The following UPF3A variants were observed in gnomAD, a reference collection of about 807,000 sequenced individuals.
The protein encoded by UPF3A is UPF3A regulator of nonsense mediated mRNA decay.
Under a neutral mutation model 53.5 loss-of-function variants are expected in UPF3A, and 42 were observed. The observed-to-expected ratio is 0.78, with a 90% CI of 0.61 to 1.01. The LOEUF (loss-of-function observed/expected upper bound fraction) is 1.01. UPF3A is among the 50% of genes least tolerant of loss of function. The pLI is 0.00. For missense variants in UPF3A, 575 were observed against 598.0 expected (o/e 0.96, Z 0.40); for synonymous variants, 237 against 225.3 (o/e 1.05, Z -0.47).
At chr13:114,295,837 A>C (rs1464490868) in intron 7 of UPF3A, among the ~76,000 whole-genome samples, 1 of 152,166 alleles carries the variant, frequency 6.6e-6, no homozygotes, top group Non-Finnish European at 1.5e-5. Context: ...GTTCCTGCAC[A>C]CAGCTCCTCA....
At chr13:114,286,132 G>A (rs1449079596) in intron 3 of UPF3A, 170 bp from the exon 4 acceptor site, 1 of 901,778 alleles carries the variant, frequency 1.1e-6, no homozygotes, top group African/African-American at 1.7e-5. Context: ...AAAATTGTAG[G>A]TTTTTTAATC....
chr13:114,297,633 A>G (rs915426301), intron 7 of UPF3A, among the ~76,000 whole-genome samples: 1 of 152,162 alleles, frequency 6.6e-6, no homozygotes, highest in Non-Finnish European at 1.5e-5. Context: ...GTTCAAGACC[A>G]GCCTGGCCAA....
chr13:114,286,213 T>C (rs1227134526), intron 3 of UPF3A, 89 bp from the exon 4 acceptor site: 2 of 1,531,010 alleles, frequency 1.3e-6, no homozygotes, highest in African/African-American at 2.8e-5. Context: ...GTTGTTACAC[T>C]TACTCTTTAA....
intron 7 of UPF3A, among the ~76,000 whole-genome samples, chr13:114,296,999 T>C (rs1300151147): frequency 6.6e-6 from 1 of 152,166 alleles, no homozygotes; most frequent in Non-Finnish European, 1.5e-5. Context: ...AGATTCCACA[T>C]AGGCAGAATA....
At position 114,302,001 on chromosome 13, in the gene UPF3A, C is replaced by T. The variant is rs780373550; in HGVS notation, c.1278C>T (p.Pro426=). The T allele has an allele frequency of 8.5e-6, 13 of 1,526,962 alleles. No homozygotes were observed. Among genetic ancestry groups the T allele is most frequent in the Middle Eastern group, 1.8e-4 (1 of 5,670 alleles). 94.6% of individuals were successfully genotyped at this position (1,526,962 alleles called of 1,614,324 possible). Reference sequence around the variant, plus strand: ...AGAGGTGTGACGACAGTCCAGCACCCAGAAAAGAGCGACTGGCAAACAAGG... The same window carrying T: ...AGAGGTGTGACGACAGTCCAGCACCTAGAAAAGAGCGACTGGCAAACAAGG... ...RAQRCDDSPA[P]RKERLANKDR... is the part of the protein sequence containing the mutation. The change falls in exon 9 of 10, where the codon CCC becomes CCT. Residue 426 remains proline, a synonymous_variant. Transcript: ENST00000375299.
intron 3 of UPF3A, chr13:114,283,931 A>ATAC: frequency 1.0e-6 from 1 of 985,420 alleles, no homozygotes; most frequent in Non-Finnish European, 1.2e-6. Flanking sequence ...ATGAGGGGTA[A>ATAC]GGACTAGAAA....
intron 7 of UPF3A, among the ~76,000 whole-genome samples, chr13:114,297,601 G>A (rs1323133885): frequency 2.0e-5 from 3 of 152,134 alleles, no homozygotes; most frequent in East Asian, 3.9e-4. Context: ...GGAGGCCAAC[G>A]CTGGGGGATC....
Position 114,301,357 on chromosome 13 carries a change from G to C in UPF3A, c.1008-374G>C, listed in dbSNP as rs1022248177. On this transcript the variant is annotated intron_variant, in intron 8 of 9. Transcript: ENST00000375299. Reference sequence around the variant, plus strand: ...GGGCACCTGTAGTCCCAGCTACTCGGGAGGCTGAGGCAGGAGGATGGTGTG... The same window carrying C: ...GGGCACCTGTAGTCCCAGCTACTCGCGAGGCTGAGGCAGGAGGATGGTGTG... Among the ~76,000 whole-genome samples, 3 of 151,988 alleles carry C rather than the reference G, an allele frequency of 2.0e-5. No individual in the cohort carries two copies. In the South Asian group the frequency reaches 6.2e-4, roughly 32 times the overall value.
intron 9 of UPF3A, 115 bp downstream of exon 9, chr13:114,302,140 A>C: frequency 9.5e-7 from 1 of 1,049,568 alleles, no homozygotes; most frequent in South Asian, 3.6e-5. Flanking sequence ...TGCTTTGAGC[A>C]TTTTCAAGAG....
At chr13:114,281,891 G>A in intron 1 of UPF3A, 45 bp downstream of exon 1, 1 of 1,365,010 alleles carries the variant, frequency 7.3e-7, no homozygotes, top group East Asian at 2.6e-5. Flanking sequence ...GGAGAGGACG[G>A]CCCTGAGTGG....
intron 3 of UPF3A, 44 bp downstream of exon 3, chr13:114,282,987 T>C: frequency 5.9e-6 from 8 of 1,346,932 alleles, no homozygotes; most frequent in Non-Finnish European, 8.4e-6. Context: ...TCTGTAGGTA[T>C]ACTAATGAAG....
At chr13:114,283,413 AAATT>A (rs2084331594) in intron 3 of UPF3A, 1 of 152,344 alleles carries the variant, frequency 6.6e-6, no homozygotes, top group African/African-American at 2.4e-5. Flanking sequence ...TTAAAAATTG[AAATT>A]ATTTAATTTT....
At chr13:114,293,826 A>G (rs933049258) in intron 7 of UPF3A, among the ~76,000 whole-genome samples, 1 of 152,198 alleles carries the variant, frequency 6.6e-6, no homozygotes, top group Non-Finnish European at 1.5e-5. Flanking sequence ...TCAGCAGTCA[A>G]AAACAGAAAA....
intron 7 of UPF3A, among the ~76,000 whole-genome samples, chr13:114,292,090 CTTTTTTTTTTT>C (rs745358460): frequency 7.5e-6 from 1 of 133,746 alleles, no homozygotes; most frequent in South Asian, 2.4e-4. Flanking sequence ...TGCTGACGCT[CTTTTTTTTTTT>C]TTTTTTTTTA....
intron 5 of UPF3A, among the ~76,000 whole-genome samples, chr13:114,290,287 C>T (rs945741414): frequency 6.6e-6 from 1 of 152,152 alleles, no homozygotes; most frequent in Non-Finnish European, 1.5e-5. Context: ...GCCATTTCAT[C>T]TATGATGTCA....
At chr13:114,282,166 C>A in intron 2 of UPF3A, 39 bp downstream of exon 2, 6 of 1,499,874 alleles carry the variant, frequency 4.0e-6, no homozygotes, top group Non-Finnish European at 5.4e-6. Flanking sequence ...AGGGCGGAAC[C>A]CAGAGCTCGG....
At position 114,286,573 on chromosome 13, in the gene UPF3A, G is replaced by T. The variant is rs761063736; in HGVS notation, c.575G>T (p.Ser192Ile). Residue 192 changes from serine to isoleucine, a missense_variant, in exon 5 of 10, where the codon AGT becomes ATT. Ser to Ile is a moderately radical substitution (Grantham distance 142). Transcript: ENST00000375299. ...ETYCVEEEKT[S>I]ANPETLLGEM... The stretch of plus-strand genomic sequence containing the variant: ...TACTGTGTGGAGGAAGAGAAGACCA[G>T]TGCCAACCCTGAGACTCTGCTGGGG... The T allele has an allele frequency of 4.3e-6, 7 of 1,613,960 alleles. No homozygotes were observed. The highest frequency in any genetic ancestry group is 5.9e-6 in the Non-Finnish European group (7 of 1,179,968).
intron 7 of UPF3A, among the ~76,000 whole-genome samples, chr13:114,292,372 G>A (rs541078106): frequency 6.7e-6 from 1 of 150,228 alleles, no homozygotes; most frequent in Middle Eastern, 3.5e-3. Context: ...ACGTGCAGGT[G>A]TGTTACGTGT....
chr13:114,293,771 G>A (rs909131698), intron 7 of UPF3A, among the ~76,000 whole-genome samples: 1 of 152,200 alleles, frequency 6.6e-6, no homozygotes, highest in Non-Finnish European at 1.5e-5. Context: ...GCTTAGGAAA[G>A]GGTGGGGAAG....
Sources: gnomAD v4.1 joint callset for allele counts (sites outside exome capture counted in the v4.1 genomes callset) on GRCh38, gnomAD v4.1.1 for gene constraint, MANE v1.5 for transcripts, NCBI Gene and HGNC (gene_info 2026-07-23, HGNC 2026-07-21) for gene names.